Variants in NARS2 observed in about 807,000 individuals in gnomAD.
NARS2 encodes the protein asparaginyl-tRNA synthetase.
Under a neutral mutation model 62.9 loss-of-function variants are expected in NARS2, and 60 were observed. That is an observed-to-expected ratio of 0.95 (90% CI 0.77 to 1.18). The LOEUF is 1.18. Ranked by LOEUF, NARS2 falls within the 50% of genes most tolerant of loss-of-function variation. The pLI is 0.00. For missense variants in NARS2, 619 were observed against 576.4 expected (o/e 1.07, Z -0.76); for synonymous variants, 196 against 200.0 (o/e 0.98, Z 0.17).
chr11:78,503,938 T>C (rs1860384305), intron 6 of NARS2, among the ~76,000 whole-genome samples: 1 of 152,202 alleles, frequency 6.6e-6, no homozygotes, highest in Non-Finnish European at 1.5e-5. Flanking sequence ...CTCTTAATGA[T>C]AGGATCATGG....
At chr11:78,530,534 C>T (rs925530597) in intron 5 of NARS2, among the ~76,000 whole-genome samples, 5 of 152,132 alleles carry the variant, frequency 3.3e-5, no homozygotes, top group East Asian at 1.9e-4. Context: ...AGTGCAGTGG[C>T]GCGATCTTGA....
intron 6 of NARS2, among the ~76,000 whole-genome samples, chr11:78,506,222 C>A (rs1454598374): frequency 2.0e-5 from 3 of 152,160 alleles, no homozygotes; most frequent in Non-Finnish European, 4.4e-5. Context: ...CGTGGACCAA[C>A]CGGCATCCTC....
intron 5 of NARS2, among the ~76,000 whole-genome samples, chr11:78,530,717 T>A (rs1311868103): frequency 6.6e-6 from 1 of 152,178 alleles, no homozygotes. Context: ...TCTGCCGGCC[T>A]CAGCCTCCCA....
chr11:78,559,137 T>C (rs1856469427), intron 5 of NARS2, among the ~76,000 whole-genome samples: 1 of 151,844 alleles, frequency 6.6e-6, no homozygotes, highest in Non-Finnish European at 1.5e-5. Flanking sequence ...ACCCCGTCTC[T>C]ACTAAAAATA....
At chr11:78,536,487 G>A (rs576835004) in intron 5 of NARS2, among the ~76,000 whole-genome samples, 45 of 151,952 alleles carry the variant, frequency 3.0e-4, no homozygotes, top group African/African-American at 9.4e-4. Context: ...TGCTGCCCCC[G>A]TATAGGCCTA....
At chr11:78,471,037 A>G (rs1040340138) in intron 9 of NARS2, among the ~76,000 whole-genome samples, 1 of 152,176 alleles carries the variant, frequency 6.6e-6, no homozygotes, top group Non-Finnish European at 1.5e-5. Flanking sequence ...TGTGTCATAC[A>G]GTACAATAAA....
Position 78,441,265 on chromosome 11 carries a change from A to G in NARS2, c.1263-148T>C, listed in dbSNP as rs1027180290. 10 of 628,480 alleles carry G rather than the reference A, an allele frequency of 1.6e-5. No homozygotes were observed. In the Admixed American group the frequency reaches 2.9e-4, roughly 19 times the overall value. 38.9% of individuals were successfully genotyped at this position (628,480 alleles called of 1,614,324 possible). On this transcript the variant is annotated intron_variant, in intron 12 of 13. Coordinates refer to ENST00000281038, the MANE Select transcript of NARS2 (RefSeq NM_024678.6). ...TCTCAAGTAATACTCAATATAGTTG[A>G]GGAGCTGAAACCATACAGTAACTTA...
intron 6 of NARS2, among the ~76,000 whole-genome samples, chr11:78,500,349 G>C (rs745672687): frequency 5.3e-5 from 8 of 152,168 alleles, no homozygotes; most frequent in Non-Finnish European, 1.2e-4. Flanking sequence ...TTATAAAGAT[G>C]AAATGAAATA....
intron 11 of NARS2, among the ~76,000 whole-genome samples, chr11:78,457,842 A>G (rs1293430645): frequency 6.6e-6 from 1 of 151,970 alleles, no homozygotes; most frequent in African/African-American, 2.4e-5. Flanking sequence ...ACACACACAC[A>G]CATTGTACTT....
chr11:78,572,024 A>T (rs1029495956), intron 1 of NARS2, among the ~76,000 whole-genome samples: 3 of 151,900 alleles, frequency 2.0e-5, no homozygotes, highest in African/African-American at 7.3e-5. Flanking sequence ...TCTACCGAAA[A>T]TACAAAAATT....
At chr11:78,473,148 A>G (rs1414763105) in intron 9 of NARS2, among the ~76,000 whole-genome samples, 1 of 152,212 alleles carries the variant, frequency 6.6e-6, no homozygotes, top group Non-Finnish European at 1.5e-5. Context: ...CCTGGAAAAC[A>G]CAGCAAGGTC....
intron 9 of NARS2, among the ~76,000 whole-genome samples, chr11:78,473,970 T>A (rs1858981793): frequency 6.6e-6 from 1 of 152,146 alleles, no homozygotes; most frequent in East Asian, 1.9e-4. Context: ...CCCTCCAGCT[T>A]CCCTACCCTA....
At position 78,455,391 on chromosome 11, in the gene NARS2, A is replaced by T. The variant is rs189331464; in HGVS notation, c.1164+10485T>A. 8.7e-3 allele frequency among the ~76,000 whole-genome samples: 1,324 copies of T among 151,424 alleles called. 19 individuals carry two copies. Among genetic ancestry groups the T allele is most frequent in the African/African-American group, 0.03 (1,250 of 41,504 alleles). On this transcript the variant is annotated intron_variant, in intron 11 of 13. Transcript: ENST00000281038. ...TGTAATTCCCTTTTAAAGTAAACTTAAAGTATAAAATATGTGTAAAAAGTA... is the reference window on the plus strand; with the variant it reads ...TGTAATTCCCTTTTAAAGTAAACTTTAAGTATAAAATATGTGTAAAAAGTA...
intron 11 of NARS2, among the ~76,000 whole-genome samples, chr11:78,460,390 A>G (rs1456862806): frequency 6.6e-6 from 1 of 151,958 alleles, no homozygotes; most frequent in Non-Finnish European, 1.5e-5. Context: ...TACAGGCATG[A>G]GCAACTGTGC....
intron 11 of NARS2, among the ~76,000 whole-genome samples, chr11:78,450,941 A>C (rs1857951255): frequency 6.6e-6 from 1 of 152,164 alleles, no homozygotes; most frequent in African/African-American, 2.4e-5. Context: ...CTGGGCCTCC[A>C]AAGTGCTGGG....
chr11:78,563,914 A>ATTG (rs1403743887), intron 4 of NARS2, among the ~76,000 whole-genome samples: 1 of 130,116 alleles, frequency 7.7e-6, no homozygotes, highest in African/African-American at 2.9e-5. Flanking sequence ...TATTATTATT[A>ATTG]TTATTGAGAT....
intron 11 of NARS2, among the ~76,000 whole-genome samples, chr11:78,452,632 C>T (rs1222671006): frequency 6.6e-6 from 1 of 152,068 alleles, no homozygotes; most frequent in East Asian, 1.9e-4. Flanking sequence ...TGGTCTCAAA[C>T]TCCTTGGCTC....
At chr11:78,468,773 TTC>T (rs1419356392) in intron 10 of NARS2, among the ~76,000 whole-genome samples, 1 of 151,718 alleles carries the variant, frequency 6.6e-6, no homozygotes, top group Non-Finnish European at 1.5e-5. Flanking sequence ...TACAGTAATA[TTC>T]TTTTTTTAAA....
intron 4 of NARS2, among the ~76,000 whole-genome samples, chr11:78,562,899 A>T (rs558000663): frequency 6.6e-6 from 1 of 152,336 alleles, no homozygotes; most frequent in South Asian, 2.1e-4. Flanking sequence ...AAACTTACGA[A>T]AATTTTTTAT....
Sources: gnomAD v4.1 joint callset for allele counts (sites outside exome capture counted in the v4.1 genomes callset) on GRCh38, gnomAD v4.1.1 for gene constraint, MANE v1.5 for transcripts, NCBI Gene and HGNC (gene_info 2026-07-23, HGNC 2026-07-21) for gene names.